Variants in PSMB2 observed in about 807,000 individuals in gnomAD.
The protein encoded by PSMB2 is proteasome subunit beta type-2.
PSMB2 carries 13 observed loss-of-function variants against 25.7 expected under a neutral mutation model. The observed-to-expected ratio is 0.51, with a 90% CI of 0.33 to 0.80. The LOEUF (loss-of-function observed/expected upper bound fraction) is 0.80. Ranked by LOEUF, PSMB2 falls within the 30% of genes least tolerant of loss-of-function variation. PSMB2 has a pLI of 0.02. For missense variants in PSMB2, 202 were observed against 259.0 expected (o/e 0.78, Z 1.51); for synonymous variants, 87 against 96.2 (o/e 0.90, Z 0.56).
chr1:35,636,320 C>T lies in PSMB2; in HGVS notation c.204G>A (p.Lys68=). ...GTAAGTCTTACCCACCATTTCGCAT[C>T]TTATAAAGTTGCACGTTTTTCTGAA... ...EYIQKNVQLY[K]MRNGYELSPT... The change falls in exon 2 of 6, where the codon AAG becomes AAA. Residue 68 remains lysine, a synonymous_variant. Transcript: ENST00000373237. 6.2e-7 allele frequency: 1 copy of T among 1,614,078 alleles called. No individual in the cohort carries two copies. Among genetic ancestry groups the T allele is most frequent in the Non-Finnish European group, 8.5e-7 (1 of 1,179,996 alleles).
intron 5 of PSMB2, 134 bp downstream of exon 5, chr1:35,605,099 A>C: frequency 2.7e-6 from 2 of 747,244 alleles, no homozygotes; most frequent in Non-Finnish European, 4.4e-6. Context: ...CCCTGGTAGC[A>C]ACTTCACATC....
At chr1:35,609,730 G>GT (rs1472333686) in intron 3 of PSMB2, among the ~76,000 whole-genome samples, 1 of 152,144 alleles carries the variant, frequency 6.6e-6, no homozygotes, top group Non-Finnish European at 1.5e-5. Flanking sequence ...GCAAAACAGA[G>GT]TGACTATAGT....
At chr1:35,615,796 T>A (rs1211322606) in intron 3 of PSMB2, among the ~76,000 whole-genome samples, 2 of 152,184 alleles carry the variant, frequency 1.3e-5, no homozygotes, top group Non-Finnish European at 2.9e-5. Context: ...GCAATTTCTT[T>A]TTTGATGTGT....
Position 35,600,030 on chromosome 1 carries a change from G to T in PSMB2, c.*3237C>A. Reference sequence around the variant, plus strand: ...GCACCCCTCTAGTCCCAGCTAGTTGGGAGGCTGGGGTAAGAGGTTCACTTG... The same window carrying T: ...GCACCCCTCTAGTCCCAGCTAGTTGTGAGGCTGGGGTAAGAGGTTCACTTG... On this transcript the variant is annotated 3_prime_UTR_variant, in exon 6 of 6. Transcript: ENST00000373237. 1.7e-6 allele frequency: 1 copy of T among 602,214 alleles called. No homozygotes were observed. Among genetic ancestry groups the T allele is most frequent in the Non-Finnish European group, 2.1e-6 (1 of 480,060 alleles). 37.3% of individuals were successfully genotyped at this position (602,214 alleles called of 1,614,324 possible).
intron 3 of PSMB2, among the ~76,000 whole-genome samples, chr1:35,625,305 A>T (rs899026307): frequency 3.3e-5 from 5 of 152,338 alleles, no homozygotes; most frequent in Admixed American, 3.3e-4. Context: ...CCCGACGATT[A>T]CACATCATGG....
chr1:35,613,407 C>T (rs896880493), intron 3 of PSMB2, among the ~76,000 whole-genome samples: 1 of 151,834 alleles, frequency 6.6e-6, no homozygotes, highest in African/African-American at 2.4e-5. Flanking sequence ...GGTTAGGGGG[C>T]TACTTGGAAG....
At chr1:35,631,212 A>G in intron 3 of PSMB2, 62 bp downstream of exon 3, 2 of 1,533,046 alleles carry the variant, frequency 1.3e-6, no homozygotes, top group African/African-American at 1.4e-5. Flanking sequence ...GTATAATGAG[A>G]ATATAAAAGA....
intron 1 of PSMB2, among the ~76,000 whole-genome samples, chr1:35,641,120 A>G (rs1238564723): frequency 6.6e-6 from 1 of 152,024 alleles, no homozygotes; most frequent in Non-Finnish European, 1.5e-5. Context: ...AACCCGGGAG[A>G]CAAAGACTGT....
intron 4 of PSMB2, among the ~76,000 whole-genome samples, chr1:35,607,503 A>G (rs572569583): frequency 1.3e-5 from 2 of 152,358 alleles, no homozygotes; most frequent in African/African-American, 4.8e-5. Flanking sequence ...AGGAATAGCT[A>G]TTATCAAAAA....
intron 3 of PSMB2, among the ~76,000 whole-genome samples, chr1:35,628,597 ATATATATAT>A (rs1166307859): frequency 0.056 from 1,212 of 21,476 alleles, 23 homozygotes; most frequent in Non-Finnish European, 0.066. Flanking sequence ...AAAAAAAAAA[ATATATATAT>A]ATATATATAT....
intron 3 of PSMB2, among the ~76,000 whole-genome samples, chr1:35,630,657 A>G (rs562275054): frequency 6.6e-6 from 1 of 152,244 alleles, no homozygotes; most frequent in African/African-American, 2.4e-5. Flanking sequence ...GAGAAAGTAA[A>G]AAGATGAGTG....
At chr1:35,629,114 G>T (rs902848163) in intron 3 of PSMB2, among the ~76,000 whole-genome samples, 2 of 152,094 alleles carry the variant, frequency 1.3e-5, no homozygotes. Flanking sequence ...TTTCTCAGTG[G>T]AATAGTGAGT....
intron 5 of PSMB2, among the ~76,000 whole-genome samples, chr1:35,603,977 G>A (rs1011943253): frequency 3.4e-5 from 5 of 147,050 alleles, no homozygotes; most frequent in Non-Finnish European, 7.5e-5. Flanking sequence ...AGCTATGATG[G>A]TGCCACTGCA....
intron 3 of PSMB2, among the ~76,000 whole-genome samples, chr1:35,623,686 G>A (rs888561924): frequency 6.6e-6 from 1 of 152,158 alleles, no homozygotes; most frequent in African/African-American, 2.4e-5. Context: ...GGCAAGCCTC[G>A]GCATGGGTGA....
At chr1:35,638,726 A>G (rs1651312320) in intron 1 of PSMB2, among the ~76,000 whole-genome samples, 2 of 152,202 alleles carry the variant, frequency 1.3e-5, no homozygotes, top group African/African-American at 4.8e-5. Flanking sequence ...GAAAAGAGAC[A>G]TGAAATGCGG....
chr1:35,608,539 C>T, intron 4 of PSMB2, among the ~76,000 whole-genome samples: 1 of 152,124 alleles, frequency 6.6e-6, no homozygotes, highest in South Asian at 2.1e-4. Flanking sequence ...ATACTAACTA[C>T]CATGATCTGT....
chr1:35,619,369 G>T (rs961508543), intron 3 of PSMB2, among the ~76,000 whole-genome samples: 3 of 152,110 alleles, frequency 2.0e-5, no homozygotes, highest in African/African-American at 7.2e-5. Context: ...TATAAGATAG[G>T]CATGTACTTC....
At chr1:35,628,631 A>ATACATATATTTTTTTTT (rs1202256440) in intron 3 of PSMB2, among the ~76,000 whole-genome samples, 1 of 38,088 alleles carries the variant, frequency 2.6e-5, no homozygotes, top group African/African-American at 1.3e-4. Flanking sequence ...ATATATATAT[A>ATACATATATTTTTTTTT]TTTTTTTTTT....
At position 35,600,671 on chromosome 1, in the gene PSMB2, T is replaced by C. The variant is rs984032359; in HGVS notation, c.*2596A>G. 1.1e-5 allele frequency: 11 copies of C among 985,172 alleles called. No homozygotes were observed. Among genetic ancestry groups the C allele is most frequent in the Non-Finnish European group, 1.3e-5 (11 of 829,858 alleles). 61.0% of individuals were successfully genotyped at this position (985,172 alleles called of 1,614,324 possible). A position where few individuals can be genotyped will look rare whatever the true frequency, so the allele number is the denominator to read the frequency against. On this transcript the variant is annotated 3_prime_UTR_variant, in exon 6 of 6. Transcript: ENST00000373237. ...GTTCGATGTCCCTAAATCTGGAGGG[T>C]GAGCTATCTAGGAATGAGTTGATTT...
Sources: gnomAD v4.1 joint callset for allele counts (sites outside exome capture counted in the v4.1 genomes callset) on GRCh38, gnomAD v4.1.1 for gene constraint, MANE v1.5 for transcripts, NCBI Gene and HGNC (gene_info 2026-07-23, HGNC 2026-07-21) for gene names.